The following KLF12 variants were observed in gnomAD, a reference collection of about 807,000 sequenced individuals.
KLF12 encodes the protein KLF transcription factor 12.
KLF12 carries 9 observed loss-of-function variants against 37.8 expected under a neutral mutation model. The observed-to-expected ratio is 0.24, with a 90% CI of 0.14 to 0.42. The LOEUF (loss-of-function observed/expected upper bound fraction) is 0.42. Ranked by LOEUF, KLF12 falls within the 10% of genes least tolerant of loss-of-function variation. The pLI is 1.00. For synonymous variants in KLF12, 208 were observed against 202.1 expected (o/e 1.03, Z -0.25); for missense variants, 411 against 516.0 (o/e 0.80, Z 1.97).
At chr13:74,067,540 C>T (rs1260420384) in intron 1 of KLF12, among the ~76,000 whole-genome samples, 8 of 152,144 alleles carry the variant, frequency 5.3e-5, no homozygotes, top group Non-Finnish European at 1.0e-4. Flanking sequence ...AGTTGCTAAT[C>T]AGGTACCTAT....
intron 1 of KLF12, among the ~76,000 whole-genome samples, chr13:74,123,807 T>C (rs1877777973): frequency 6.6e-6 from 1 of 152,224 alleles, no homozygotes; most frequent in African/African-American, 2.4e-5. Flanking sequence ...AGAAAGACAG[T>C]AGTAATTATG....
the KLF12 span, among the ~76,000 whole-genome samples, chr13:74,211,133 T>G: frequency 1.3e-5 from 2 of 152,192 alleles, no homozygotes; most frequent in South Asian, 2.1e-4. Flanking sequence ...CTGACTCTTG[T>G]CTGAATCATT....
intron 3 of KLF12, among the ~76,000 whole-genome samples, chr13:73,885,852 G>A (rs1887196954): frequency 6.6e-6 from 1 of 152,214 alleles, no homozygotes; most frequent in African/African-American, 2.4e-5. Context: ...TGAGCGAACA[G>A]TTAGGGAGAT....
the KLF12 span, among the ~76,000 whole-genome samples, chr13:74,207,683 A>T: frequency 6.6e-6 from 1 of 152,116 alleles, no homozygotes; most frequent in Non-Finnish European, 1.5e-5. Flanking sequence ...AAAAACAAAA[A>T]CAAAACAAAA....
intron 4 of KLF12, among the ~76,000 whole-genome samples, chr13:73,821,739 T>C (rs1420185830): frequency 6.6e-6 from 1 of 152,140 alleles, no homozygotes; most frequent in Non-Finnish European, 1.5e-5. Flanking sequence ...CATTTTCCAC[T>C]GGGAGCAATG....
At chr13:73,759,910 A>T (rs11842528) in intron 6 of KLF12, among the ~76,000 whole-genome samples, 1,884 of 152,320 alleles carry the variant, frequency 0.012, 29 homozygotes, top group African/African-American at 0.041. Flanking sequence ...AAAAAGGTTT[A>T]AGCAAGAAAG....
Position 73,690,551 on chromosome 13 carries a change from T to TAA in KLF12, c.*4937_*4938dup, listed in dbSNP as rs1469379079. Reference sequence around the variant, plus strand: ...AGTTTGGAATCAGTTGTCTGCAACTTAAAATGACTTCATTATATTTTAAAC... The same window carrying TAA: ...AGTTTGGAATCAGTTGTCTGCAACTTAAAAAATGACTTCATTATATTTTAAAC... On this transcript the variant is annotated 3_prime_UTR_variant, in exon 8 of 8. Transcript: ENST00000377669. 1 of 152,182 alleles carries TAA rather than the reference T, an allele frequency of 6.6e-6. No individual in the cohort carries two copies. 9.4% of individuals were successfully genotyped at this position (152,182 alleles called of 1,614,324 possible). A position where few individuals can be genotyped will look rare whatever the true frequency, so the allele number is the denominator to read the frequency against.
At chr13:73,919,338 A>G (rs143595693) in intron 3 of KLF12, among the ~76,000 whole-genome samples, 1 of 152,180 alleles carries the variant, frequency 6.6e-6, no homozygotes, top group Non-Finnish European at 1.5e-5. Context: ...TCTGACTCCT[A>G]TAACAAAACC....
intron 1 of KLF12, among the ~76,000 whole-genome samples, chr13:74,066,516 A>G (rs187530242): frequency 2.0e-5 from 3 of 152,154 alleles, no homozygotes; most frequent in African/African-American, 7.2e-5. Flanking sequence ...CAAAAAAATT[A>G]GCCAACACGC....
the KLF12 span, among the ~76,000 whole-genome samples, chr13:74,277,720 A>G: frequency 6.6e-6 from 1 of 152,160 alleles, no homozygotes; most frequent in African/African-American, 2.4e-5. Context: ...TGTGACTTTA[A>G]AAATTTGTTC....
chr13:74,100,070 C>A (rs1471407674), intron 1 of KLF12, among the ~76,000 whole-genome samples: 1 of 152,024 alleles, frequency 6.6e-6, no homozygotes, highest in Non-Finnish European at 1.5e-5. Context: ...AGCATGGAGG[C>A]ACGCTGGCAG....
intron 5 of KLF12, among the ~76,000 whole-genome samples, chr13:73,790,419 A>G (rs1881619728): frequency 2.0e-5 from 3 of 152,154 alleles, no homozygotes; most frequent in Admixed American, 1.3e-4. Context: ...TTATAATTTT[A>G]TTTTTGTGCT....
intron 1 of KLF12, among the ~76,000 whole-genome samples, chr13:74,007,809 C>CA (rs986865369): frequency 1.3e-5 from 2 of 148,640 alleles, no homozygotes; most frequent in African/African-American, 5.0e-5. Flanking sequence ...TATACCAAAA[C>CA]AAAAAACATT....
intron 1 of KLF12, among the ~76,000 whole-genome samples, chr13:74,071,747 C>T (rs1874264414): frequency 6.6e-6 from 1 of 152,010 alleles, no homozygotes; most frequent in African/African-American, 2.4e-5. Flanking sequence ...TTCAAAGAAA[C>T]AAGTAGTAGC....
chr13:74,067,026 T>C (rs1169259931), intron 1 of KLF12, among the ~76,000 whole-genome samples: 2 of 152,196 alleles, frequency 1.3e-5, no homozygotes, highest in Admixed American at 1.3e-4. Flanking sequence ...GGGACACACA[T>C]AGCTAACTGC....
chr13:73,757,653 C>T (rs2138023665), intron 6 of KLF12, among the ~76,000 whole-genome samples: 1 of 152,300 alleles, frequency 6.6e-6, no homozygotes, highest in Admixed American at 6.5e-5. Context: ...TGGAGCATTC[C>T]TGCAGGGAAC....
the KLF12 span, among the ~76,000 whole-genome samples, chr13:74,141,066 CAAA>C: frequency 6.9e-6 from 1 of 144,228 alleles, no homozygotes; most frequent in African/African-American, 2.6e-5. Flanking sequence ...CTGTCTCAAA[CAAA>C]AAAAAAAGAA....
chr13:74,255,700 A>G, the KLF12 span, among the ~76,000 whole-genome samples: 2 of 152,346 alleles, frequency 1.3e-5, no homozygotes, highest in Non-Finnish European at 2.9e-5. Context: ...TTCTTGCTAA[A>G]TAAGATTGTT....
At chr13:74,203,233 A>G in the KLF12 span, among the ~76,000 whole-genome samples, 1 of 152,024 alleles carries the variant, frequency 6.6e-6, no homozygotes, top group Non-Finnish European at 1.5e-5. Flanking sequence ...GAGGGTAGTG[A>G]TCTGGCTGGA....
Sources: gnomAD v4.1 joint callset for allele counts (sites outside exome capture counted in the v4.1 genomes callset) on GRCh38, gnomAD v4.1.1 for gene constraint, MANE v1.5 for transcripts, NCBI Gene and HGNC (gene_info 2026-07-23, HGNC 2026-07-21) for gene names.